JPH3: variants seen among roughly 807,000 people sequenced by gnomAD.
The protein encoded by JPH3 is junctophilin 3.
In JPH3, 11 loss-of-function variants were observed where a neutral mutation model predicts 59.6. The ratio of observed to expected loss-of-function variants is 0.18; its 90% CI spans 0.12 to 0.31. JPH3 has a LOEUF of 0.31. Ranked by LOEUF, JPH3 falls within the 10% of genes least tolerant of loss-of-function variation. JPH3 has a pLI of 1.00. For missense variants in JPH3, 1,202 were observed against 1,105.7 expected (o/e 1.09, Z -1.24); for synonymous variants, 673 against 483.6 (o/e 1.39, Z -5.14).
At chr16:87,671,954 T>G (rs1444741892) in intron 2 of JPH3, among the ~76,000 whole-genome samples, 1 of 152,158 alleles carries the variant, frequency 6.6e-6, no homozygotes, top group East Asian at 1.9e-4. Flanking sequence ...CCTTCGTCTG[T>G]GGGGGGTGGC....
At chr16:87,647,693 C>G (rs1486886880) in intron 2 of JPH3, among the ~76,000 whole-genome samples, 1 of 152,220 alleles carries the variant, frequency 6.6e-6, no homozygotes, top group Non-Finnish European at 1.5e-5. Flanking sequence ...TGTCCACACA[C>G]ACGGCTCTGC....
intron 1 of JPH3, among the ~76,000 whole-genome samples, chr16:87,639,577 C>T (rs754828632): frequency 2.0e-5 from 3 of 147,160 alleles, no homozygotes; most frequent in Admixed American, 7.0e-5. Flanking sequence ...GAAACTCTGT[C>T]CCACTAAATG....
At chr16:87,647,789 C>T (rs184392022) in intron 2 of JPH3, among the ~76,000 whole-genome samples, 22 of 152,324 alleles carry the variant, frequency 1.4e-4, no homozygotes, top group Admixed American at 9.2e-4. Flanking sequence ...TGCACAGGTG[C>T]GCCTAGGTGG....
chr16:87,677,180 A>ATG (rs1278131245), intron 2 of JPH3, among the ~76,000 whole-genome samples: 1 of 83,452 alleles, frequency 1.2e-5, no homozygotes, highest in Admixed American at 1.4e-4. Context: ...CGCACTATAT[A>ATG]TATATACACA....
At chr16:87,608,829 G>T (rs2045997322) in intron 1 of JPH3, among the ~76,000 whole-genome samples, 1 of 152,152 alleles carries the variant, frequency 6.6e-6, no homozygotes, top group Non-Finnish European at 1.5e-5. Flanking sequence ...TTGAGCCCAG[G>T]AGTTTGAGAC....
rs1430455446 is a variant in JPH3, at chr16:87,690,136, C to T, written c.1776C>T (p.Asn592=). ...GGACTTCCCACCACCGGGCCAGCAA[C>T]CACAGCCCCGGAGGCTCCAGGCTGC... ...FTWTSHHRAS[N]HSPGGSRLLE... The change falls in exon 4 of 5, where the codon AAC becomes AAT. Residue 592 remains asparagine (N), a synonymous_variant. Coordinates refer to ENST00000284262, the MANE Select transcript of JPH3 (RefSeq NM_020655.4). The T allele has an allele frequency of 6.3e-7, 1 of 1,593,858 alleles. No individual in the cohort carries two copies. Among genetic ancestry groups the T allele is most frequent in the Non-Finnish European group, 8.5e-7 (1 of 1,170,484 alleles).
chr16:87,609,877 A>G (rs2030668543), intron 1 of JPH3, among the ~76,000 whole-genome samples: 1 of 152,216 alleles, frequency 6.6e-6, no homozygotes, highest in Non-Finnish European at 1.5e-5. Flanking sequence ...ATTCAGGCGC[A>G]TTCTATTTAT....
At chr16:87,645,671 CTG>C (rs1036783261) in intron 2 of JPH3, among the ~76,000 whole-genome samples, 3 of 152,302 alleles carry the variant, frequency 2.0e-5, no homozygotes, top group East Asian at 3.9e-4. Flanking sequence ...CCAGAGGTGA[CTG>C]TGGGTGGGAT....
At chr16:87,629,154 G>T (rs571312059) in intron 1 of JPH3, among the ~76,000 whole-genome samples, 1 of 152,242 alleles carries the variant, frequency 6.6e-6, no homozygotes, top group South Asian at 2.1e-4. Flanking sequence ...TCATGGGGAA[G>T]TGACTCCATG....
At chr16:87,636,056 G>T (rs2031734009) in intron 1 of JPH3, among the ~76,000 whole-genome samples, 1 of 152,252 alleles carries the variant, frequency 6.6e-6, no homozygotes, top group Non-Finnish European at 1.5e-5. Context: ...ACAGAGATGG[G>T]CAGCTTGCGG....
chr16:87,622,908 G>C (rs1417760823), intron 1 of JPH3, among the ~76,000 whole-genome samples: 1 of 152,188 alleles, frequency 6.6e-6, no homozygotes, highest in Non-Finnish European at 1.5e-5. Context: ...GGGGGTATGA[G>C]AGGGCCCTGG....
rs1597228032 is a variant in JPH3 at position 87,602,892 on chromosome 16, T to C, written c.-255T>C. Reference sequence around the variant, plus strand: ...CTCCCCTCCCCCTCCCCTCCGGTCCTGTCTCCAGCGGGAGCGCGAGACGCT... The same window carrying C: ...CTCCCCTCCCCCTCCCCTCCGGTCCCGTCTCCAGCGGGAGCGCGAGACGCT... On this transcript the variant is annotated 5_prime_UTR_variant, in exon 1 of 5. Transcript: ENST00000284262. 1 of 215,614 alleles carries C rather than the reference T, an allele frequency of 4.6e-6. No individual in the cohort carries two copies. Among genetic ancestry groups the C allele is most frequent in the Non-Finnish European group, 8.3e-6 (1 of 120,778 alleles). 13.4% of individuals were successfully genotyped at this position (215,614 alleles called of 1,614,324 possible).
intron 2 of JPH3, among the ~76,000 whole-genome samples, chr16:87,675,029 T>C (rs978527963): frequency 6.6e-6 from 1 of 152,154 alleles, no homozygotes. Flanking sequence ...CCCAAAGTGC[T>C]GGGATTACAC....
chr16:87,616,702 A>G (rs770676211), intron 1 of JPH3, among the ~76,000 whole-genome samples: 108 of 152,144 alleles, frequency 7.1e-4, no homozygotes, highest in Non-Finnish European at 9.3e-4. Flanking sequence ...GGAACCGGAT[A>G]TTGACGTGGA....
chr16:87,603,812 G>A (rs570863739), intron 1 of JPH3, among the ~76,000 whole-genome samples: 112 of 152,226 alleles, frequency 7.4e-4, no homozygotes, highest in Non-Finnish European at 1.2e-3. Context: ...ACAGCAGGCC[G>A]GAGACCTGCG....
At chr16:87,664,089 T>C (rs945775757) in intron 2 of JPH3, among the ~76,000 whole-genome samples, 6 of 151,974 alleles carry the variant, frequency 3.9e-5, no homozygotes, top group South Asian at 2.1e-4. Context: ...CCCAGCACTT[T>C]GGGAGGCCGA....
chr16:87,668,895 C>T (rs1597278298), intron 2 of JPH3, among the ~76,000 whole-genome samples: 1 of 134,926 alleles, frequency 7.4e-6, no homozygotes, highest in Non-Finnish European at 1.8e-5. Context: ...CTCCGGCTGT[C>T]CCGGAGGCCG....
intron 2 of JPH3, among the ~76,000 whole-genome samples, chr16:87,668,020 T>C (rs746032480): frequency 1.3e-5 from 2 of 152,180 alleles, no homozygotes; most frequent in African/African-American, 4.8e-5. Flanking sequence ...CAGAAACTTA[T>C]CTTCTGGCTT....
intron 4 of JPH3, chr16:87,695,227 G>A (rs1436399966): frequency 6.9e-6 from 3 of 437,766 alleles, no homozygotes; most frequent in South Asian, 4.9e-5. Context: ...CTCACCTGGT[G>A]CCACATGAGC....
Sources: gnomAD v4.1 joint callset for allele counts (sites outside exome capture counted in the v4.1 genomes callset) on GRCh38, gnomAD v4.1.1 for gene constraint, MANE v1.5 for transcripts, NCBI Gene and HGNC (gene_info 2026-07-23, HGNC 2026-07-21) for gene names.